GGA2: variants seen among roughly 807,000 people sequenced by gnomAD.
GGA2 encodes ADP-ribosylation factor-binding protein GGA2.
A neutral mutation model predicts 79.5 loss-of-function variants in GGA2; 48 were observed. That is an observed-to-expected ratio of 0.60 (90% CI 0.48 to 0.77). The LOEUF (loss-of-function observed/expected upper bound fraction) is 0.77, where lower values mean the gene tolerates loss of function less well. Ranked by LOEUF, GGA2 falls within the 30% of genes least tolerant of loss-of-function variation. The pLI is 0.00. For missense variants in GGA2, 770 were observed against 774.0 expected (o/e 0.99, Z 0.06); for synonymous variants, 317 against 302.0 (o/e 1.05, Z -0.51).
chr16:23,472,708 A>C (rs965586210), intron 14 of GGA2, among the ~76,000 whole-genome samples: 2 of 151,250 alleles, frequency 1.3e-5, no homozygotes, highest in African/African-American at 4.9e-5. Flanking sequence ...ACCTTGTCTC[A>C]AAAATAAAAT....
intron 15 of GGA2, 35 bp from the exon 16 acceptor site, chr16:23,469,031 C>T: frequency 8.0e-7 from 1 of 1,252,722 alleles, no homozygotes. Flanking sequence ...GTAACTCATT[C>T]CTAACCACAG....
chr16:23,470,215 G>A (rs745531556), intron 14 of GGA2, 50 bp from the exon 15 acceptor site: 37 of 1,405,452 alleles, frequency 2.6e-5, no homozygotes, highest in Middle Eastern at 2.6e-4. Flanking sequence ...CAAACCCCCC[G>A]GACAGCCAGG....
chr16:23,513,460 T>C (rs1813388931), upstream of GGA2, among the ~76,000 whole-genome samples: 1 of 152,074 alleles, frequency 6.6e-6, no homozygotes, highest in Non-Finnish European at 1.5e-5. Flanking sequence ...TACTCCAGCC[T>C]TCCTTTATTT....
rs1964437142 is a variant in GGA2, at chr16:23,466,359, T to C, written c.*1231A>G. 1 of 152,216 alleles carries C rather than the reference T, an allele frequency of 6.6e-6. No homozygotes were observed. Among genetic ancestry groups the C allele is most frequent in the Non-Finnish European group, 1.5e-5 (1 of 68,050 alleles). 9.4% of individuals were successfully genotyped at this position (152,216 alleles called of 1,614,324 possible). ...ACACATTCAAGTTCCTAGCACACAGTAGGTGCTAAGTGGGAATTGATTATA... is the reference window on the plus strand; with the variant it reads ...ACACATTCAAGTTCCTAGCACACAGCAGGTGCTAAGTGGGAATTGATTATA... On this transcript the variant is annotated 3_prime_UTR_variant, in exon 17 of 17. Transcript: ENST00000309859.
intron 1 of GGA2, among the ~76,000 whole-genome samples, chr16:23,519,989 G>A (rs866248853): frequency 1.9e-4 from 29 of 152,226 alleles, no homozygotes; most frequent in Non-Finnish European, 3.5e-4. Flanking sequence ...GCTCATGCCT[G>A]TAATCCCAGC....
chr16:23,475,138 G>T, intron 13 of GGA2, 77 bp from the exon 14 acceptor site: 1 of 720,706 alleles, frequency 1.4e-6, no homozygotes, highest in Non-Finnish European at 2.2e-6. Flanking sequence ...GCTTATTAAA[G>T]AACAAGGAAA....
intron 14 of GGA2, 52 bp downstream of exon 14, chr16:23,474,852 A>G: frequency 7.3e-7 from 1 of 1,365,456 alleles, no homozygotes. Flanking sequence ...CTGGGAGTCT[A>G]ATAGATTCCC....
At chr16:23,479,936 A>C in intron 10 of GGA2, 49 bp from the exon 11 acceptor site, 1 of 1,597,260 alleles carries the variant, frequency 6.3e-7, no homozygotes, top group Non-Finnish European at 8.6e-7. Flanking sequence ...ATGAGAGCAA[A>C]GTCTCCACAT....
At chr16:23,475,189 CTTTTT>C (rs370261106) in intron 13 of GGA2, 128 bp from the exon 14 acceptor site, 520 of 319,852 alleles carry the variant, frequency 1.6e-3, no homozygotes, top group Middle Eastern at 3.1e-3. Context: ...TGTTATATGC[CTTTTT>C]TTTTTTTTTT....
intron 12 of GGA2, 156 bp from the exon 13 acceptor site, chr16:23,478,657 A>G (rs1964607560): frequency 1.3e-6 from 1 of 788,756 alleles, no homozygotes; most frequent in Non-Finnish European, 2.2e-6. Context: ...GCAAGATCAC[A>G]TGCAGCTCCT....
In GGA2 at chr16:23,489,770, G is replaced by A. The variant is rs1041730375; in HGVS notation, c.476-1061C>T. ...AATAAGCTCTTCTCCAGAGGCTCAC[G>A]AAAACAGCGGGAAGGCCTGAAGGCG... On this transcript the variant is annotated intron_variant, in intron 5 of 16. Coordinates refer to ENST00000309859, the MANE Select transcript of GGA2 (RefSeq NM_015044.4). Among the ~76,000 whole-genome samples the A allele has an allele frequency of 5.9e-4, 90 of 152,332 alleles. 1 individual carries two copies. Among genetic ancestry groups the A allele is most frequent in the African/African-American group, 2.0e-3 (83 of 41,578 alleles).
intron 8 of GGA2, among the ~76,000 whole-genome samples, chr16:23,483,486 C>G (rs1199812725): frequency 6.6e-6 from 1 of 152,156 alleles, no homozygotes; most frequent in Admixed American, 6.5e-5. Context: ...TGGAGGCTGG[C>G]TCTCCTCCTG....
At chr16:23,468,120 C>T (rs928550471) in intron 16 of GGA2, among the ~76,000 whole-genome samples, 2 of 128,920 alleles carry the variant, frequency 1.6e-5, no homozygotes, top group African/African-American at 3.7e-5. Context: ...TTTTTCTCTT[C>T]TCCTTCCTTC....
At chr16:23,522,263 CA>C (rs1162402864), upstream of GGA2, 1 of 165,334 alleles carries the variant, frequency 6.0e-6, no homozygotes, top group Non-Finnish European at 1.3e-5. Context: ...TATTACTGGC[CA>C]AGGAATGGTA....
chr16:23,516,009 C>G (rs917744192), intron 2 of GGA2, among the ~76,000 whole-genome samples: 44 of 73,680 alleles, frequency 6.0e-4, no homozygotes, highest in African/African-American at 2.3e-3. Flanking sequence ...CACCTCTGAC[C>G]TATTTTTTTT....
intron 2 of GGA2, among the ~76,000 whole-genome samples, chr16:23,494,956 G>A (rs978441686): frequency 4.6e-5 from 7 of 151,780 alleles, no homozygotes; most frequent in African/African-American, 7.3e-5. Context: ...ATGGAGGCAC[G>A]CGCCTGTAAT....
At chr16:23,506,074 C>T (rs1295947982) in intron 1 of GGA2, among the ~76,000 whole-genome samples, 1 of 152,104 alleles carries the variant, frequency 6.6e-6, no homozygotes, top group African/African-American at 2.4e-5. Context: ...TGTATTAAAG[C>T]CTTTGATTCT....
At chr16:23,485,659 C>T (rs1036419441) in intron 8 of GGA2, among the ~76,000 whole-genome samples, 1 of 152,114 alleles carries the variant, frequency 6.6e-6, no homozygotes, top group African/African-American at 2.4e-5. Context: ...ATCCAGGTGA[C>T]GGGACAGTAC....
intron 12 of GGA2, 68 bp downstream of exon 12, chr16:23,478,815 G>T: frequency 1.8e-6 from 2 of 1,102,104 alleles, no homozygotes. Flanking sequence ...GCCAGGCAGT[G>T]CTGCCTCACA....
Sources: gnomAD v4.1 joint callset for allele counts (sites outside exome capture counted in the v4.1 genomes callset) on GRCh38, gnomAD v4.1.1 for gene constraint, MANE v1.5 for transcripts, NCBI Gene and HGNC (gene_info 2026-07-23, HGNC 2026-07-21) for gene names.